Variants in ZFP62 observed in about 807,000 individuals in gnomAD.
The protein encoded by ZFP62 is zinc finger protein 62 homolog.
ZFP62 carries 44 observed loss-of-function variants against 56.4 expected under a neutral mutation model. The ratio of observed to expected loss-of-function variants is 0.78; its 90% CI spans 0.61 to 1.00. The LOEUF (loss-of-function observed/expected upper bound fraction) is 1.00. ZFP62 is among the 50% of genes least tolerant of loss of function. The probability of loss-of-function intolerance (pLI) is 0.00; values close to 1 mark genes in which losing one functional copy is unlikely to be tolerated. For synonymous variants in ZFP62, 421 were observed against 388.9 expected, an observed-to-expected ratio of 1.08 and a Z score of -0.97; for missense variants, 1,030 against 1,085.7, an observed-to-expected ratio of 0.95 and a Z score of 0.72.
the ZFP62 span, among the ~76,000 whole-genome samples, chr5:180,829,676 T>C: frequency 6.6e-6 from 1 of 152,232 alleles, no homozygotes; most frequent in Non-Finnish European, 1.5e-5. Flanking sequence ...AAAAGAAACT[T>C]TGAAGACCAT....
chr5:180,843,179 T>C (rs1406155441), downstream of ZFP62, among the ~76,000 whole-genome samples: 1 of 151,620 alleles, frequency 6.6e-6, no homozygotes, highest in Non-Finnish European at 1.5e-5. Context: ...CAACAGCATA[T>C]AGGATGGAAG....
At position 180,856,709 on chromosome 5, in the gene ZFP62, C is replaced by T. The variant is rs531584569; in HGVS notation, c.1+4510G>A. The stretch of plus-strand genomic sequence containing the variant: ...GTGGTTCACGCCTGTAATCCCAGCA[C>T]TTTGGGAGGCTGAGGCGGGCAGATC... On this transcript the variant is annotated intron_variant, in intron 1 of 1. Coordinates refer to ENST00000502412, the MANE Select transcript of ZFP62 (RefSeq NM_001172638.2). Among the ~76,000 whole-genome samples the T allele has an allele frequency of 3.3e-5, 5 of 151,596 alleles. No homozygotes were observed. The South Asian group carries it at 1.0e-3, about 32-fold the overall frequency.
chr5:180,845,921 T>C (rs979947758), downstream of ZFP62: 5 of 974,104 alleles, frequency 5.1e-6, no homozygotes, highest in African/African-American at 8.8e-5. Flanking sequence ...TCAGACAAAT[T>C]TGCTAATAGA....
At chr5:180,846,165 C>A (rs1671288615), downstream of ZFP62, among the ~76,000 whole-genome samples, 2 of 152,278 alleles carry the variant, frequency 1.3e-5, no homozygotes, top group African/African-American at 4.8e-5. Flanking sequence ...CTGGGATCAG[C>A]CTGAATGGCT....
intron 1 of ZFP62, chr5:180,860,792 C>T (rs1331319161): frequency 5.1e-6 from 1 of 195,844 alleles, no homozygotes; most frequent in East Asian, 1.1e-4. Context: ...ACTCTCAAGT[C>T]CTAGAGTACC....
chr5:180,850,400 A>C lies in ZFP62; in HGVS notation c.1095T>G (p.Tyr365Ter). 3 of 1,560,688 alleles carry C rather than the reference A, an allele frequency of 1.9e-6. No individual in the cohort carries two copies. Among genetic ancestry groups the C allele is most frequent in the Non-Finnish European group, 2.6e-6 (3 of 1,152,300 alleles). The change falls in exon 2 of 2, where the codon TAT becomes TAG. Residue 365 changes from tyrosine (Y) to a stop codon, truncating the protein, a stop_gained. Coordinates refer to ENST00000502412, the MANE Select transcript of ZFP62 (RefSeq NM_001172638.2). LOFTEE classifies it high-confidence loss of function. Reference protein sequence around the residue: ...HKVIHTGEKPYECDECGKAFR... With the variant: ...HKVIHTGEKP ...AAGCCTTCCCACATTCATCACATTC[A>C]TAAGGTTTCTCTCCAGTGTGGATGA... is the stretch of plus-strand genomic sequence containing the variant.
rs778042393 is a variant in ZFP62, at chr5:180,849,186, G to A, written c.2309C>T (p.Ser770Leu). The part of the protein sequence containing the change: ...DRCGKAFRNS[S>L]GLTVHKRIHT... ...GATCCTTTTATGCACTGTGAGGCCT[G>A]AGCTGTTCCTGAAGGCCTTCCCACA... The change falls in exon 2 of 2, where the codon TCA becomes TTA. Residue 770 changes from serine to leucine, a missense_variant. By Grantham distance (145) the Ser-to-Leu change is moderately radical. Coordinates refer to ENST00000502412, the MANE Select transcript of ZFP62 (RefSeq NM_001172638.2). 7 of 1,561,926 alleles carry A rather than the reference G, an allele frequency of 4.5e-6. No individual in the cohort carries two copies. Among genetic ancestry groups the A allele is most frequent in the South Asian group, 3.5e-5 (3 of 84,632 alleles).
At chr5:180,852,451 G>A (rs1773761811) in intron 1 of ZFP62, among the ~76,000 whole-genome samples, 1 of 151,890 alleles carries the variant, frequency 6.6e-6, no homozygotes, top group South Asian at 2.1e-4. Context: ...CTACTTGGGA[G>A]GCTGAGGGAG....
In ZFP62 at chr5:180,850,814, A is replaced by AC; in HGVS notation, c.680dup (p.Cys227TrpfsTer2). 1 of 1,572,196 alleles carries AC rather than the reference A, an allele frequency of 6.4e-7. No individual in the cohort carries two copies. Among genetic ancestry groups the AC allele is most frequent in the Non-Finnish European group, 8.6e-7 (1 of 1,158,730 alleles). Reference sequence around the variant, plus strand: ...AATTGAAGGATTTTCCACATTCATCACATTTACAGTTCTTCTCCCCAGAAT... The same window carrying AC: ...AATTGAAGGATTTTCCACATTCATCACCATTTACAGTTCTTCTCCCCAGAAT... On this transcript the variant is annotated frameshift_variant, in exon 2 of 2. Transcript: ENST00000502412. LOFTEE classifies it high-confidence loss of function.
chr5:180,853,597 A>T (rs1773828322), intron 1 of ZFP62, among the ~76,000 whole-genome samples: 5 of 152,254 alleles, frequency 3.3e-5, no homozygotes, highest in Admixed American at 3.3e-4. Context: ...AAACAAAACA[A>T]ATCAACCTAT....
chr5:180,847,507 G>T, downstream of ZFP62: 2 of 811,612 alleles, frequency 2.5e-6, no homozygotes, highest in Non-Finnish European at 3.0e-6. Context: ...AGCCCTGTGG[G>T]ATGAGTCTAC....
chr5:180,850,575 T>C lies in ZFP62; in HGVS notation c.920A>G (p.Lys307Arg). 6.4e-7 allele frequency: 1 copy of C among 1,559,716 alleles called. No homozygotes were observed. The highest frequency in any genetic ancestry group is 8.7e-7 in the Non-Finnish European group (1 of 1,151,844). The change falls in exon 2 of 2, where the codon AAA becomes AGA. Residue 307 changes from lysine (K) to arginine (R), a missense_variant. By Grantham distance (26) the Lys-to-Arg change is conservative. Transcript: ENST00000502412. ...RVHKRIHTGEKPYECDECGKA... is the reference protein window; with the variant it reads ...RVHKRIHTGERPYECDECGKA... ...CCCACACTCATCACATTCGTAAGGT[T>C]TCTCACCTGTGTGGATCCTTTTATG...
the ZFP62 span, among the ~76,000 whole-genome samples, chr5:180,833,201 A>C: frequency 6.6e-6 from 1 of 152,132 alleles, no homozygotes; most frequent in Non-Finnish European, 1.5e-5. Context: ...ACTGCCTAAG[A>C]GAACAGAGAT....
the ZFP62 span, among the ~76,000 whole-genome samples, chr5:180,840,957 AAGGACGCTGGAACCT>A: frequency 6.6e-6 from 1 of 152,078 alleles, no homozygotes; most frequent in Non-Finnish European, 1.5e-5. Context: ...CCAGAAAAAG[AAGGACGCTGGAACCT>A]AGGAACTCCA....
intron 1 of ZFP62, among the ~76,000 whole-genome samples, chr5:180,852,909 T>C (rs1187256401): frequency 1.3e-5 from 2 of 152,234 alleles, no homozygotes; most frequent in African/African-American, 4.8e-5. Flanking sequence ...TCACCTGTCA[T>C]ATTAGCAAAT....
At chr5:180,833,822 C>T in the ZFP62 span, among the ~76,000 whole-genome samples, 1 of 151,988 alleles carries the variant, frequency 6.6e-6, no homozygotes, top group South Asian at 2.1e-4. Context: ...AGGTATGCGC[C>T]ACCACACCTG....
At chr5:180,842,592 T>G in the ZFP62 span, among the ~76,000 whole-genome samples, 1 of 152,184 alleles carries the variant, frequency 6.6e-6, no homozygotes. Flanking sequence ...TAGAATTCTA[T>G]TCCCACAAAA....
At chr5:180,831,086 C>T in the ZFP62 span, 1 of 152,490 alleles carries the variant, frequency 6.6e-6, no homozygotes, top group East Asian at 1.9e-4. Context: ...ACCCTAGAAA[C>T]GTGGCTTTGG....
At chr5:180,833,307 C>T in the ZFP62 span, among the ~76,000 whole-genome samples, 3 of 151,748 alleles carry the variant, frequency 2.0e-5, no homozygotes, top group Non-Finnish European at 4.4e-5. Context: ...GGTGAAACCC[C>T]ATCTCCACTA....
Sources: gnomAD v4.1 joint callset for allele counts (sites outside exome capture counted in the v4.1 genomes callset) on GRCh38, gnomAD v4.1.1 for gene constraint, MANE v1.5 for transcripts, NCBI Gene and HGNC (gene_info 2026-07-23, HGNC 2026-07-21) for gene names.